SERHL2: variants seen among roughly 807,000 people sequenced by gnomAD.
SERHL2 encodes serine hydrolase-like protein 2.
A neutral mutation model predicts 25.5 loss-of-function variants in SERHL2; 29 were observed. That is an observed-to-expected ratio of 1.14 (90% confidence interval 0.85 to 1.55). The LOEUF is 1.55. Ranked by LOEUF, SERHL2 falls within the 40% of genes most tolerant of loss-of-function variation. SERHL2 has a pLI of 0.00. For missense variants in SERHL2, 240 were observed against 252.3 expected, an observed-to-expected ratio of 0.95 and a Z score of 0.33; for synonymous variants, 95 against 103.5, an observed-to-expected ratio of 0.92 and a Z score of 0.50.
intron 11 of SERHL2, 165 bp from the exon 12 acceptor site, chr22:42,573,771 G>A: frequency 1.4e-6 from 1 of 729,810 alleles, no homozygotes; most frequent in Non-Finnish European, 2.4e-6. Flanking sequence ...GGGTGCTATG[G>A]ACTGTCGGGG....
intron 11 of SERHL2, 119 bp downstream of exon 11, chr22:42,572,648 C>A (rs1410709305): frequency 6.9e-7 from 1 of 1,455,248 alleles, no homozygotes. Flanking sequence ...CAACAAGTGA[C>A]CACCAGGATC....
chr22:42,564,074 GA>G lies in SERHL2; in HGVS notation c.614-2220del, dbSNP rs917644801. 3.4e-5 allele frequency among the ~76,000 whole-genome samples: 5 copies of G among 146,288 alleles called. No individual in the cohort carries two copies. In the South Asian group the frequency reaches 6.5e-4, roughly 19 times the overall value. ...GCAACAAGAGTGAAACTTCGTCTCA[GA>G]AAAAAAAAAGACAAGAAAAAACATG... On this transcript the variant is annotated intron_variant, in intron 8 of 11. Transcript: ENST00000327678.
In SERHL2 at chr22:42,570,993, G is replaced by C. The variant is rs1247346173; in HGVS notation, c.649-128G>C. On this transcript the variant is annotated intron_variant, in intron 9 of 11. Transcript: ENST00000327678. ...ATGAGGCAGTGATGTGGGGTCCTGG[G>C]CTCAGACCCAGGGTGGGTGGCTAAG... is the stretch of plus-strand genomic sequence containing the variant. The C allele has an allele frequency of 1.2e-5, 16 of 1,369,608 alleles. No individual in the cohort carries two copies. The South Asian group carries it at 1.8e-4, about 16-fold the overall frequency. 84.8% of individuals were successfully genotyped at this position (1,369,608 alleles called of 1,614,324 possible).
intron 9 of SERHL2, among the ~76,000 whole-genome samples, chr22:42,567,386 C>T (rs1282380508): frequency 2.0e-5 from 3 of 151,828 alleles, no homozygotes; most frequent in Admixed American, 6.6e-5. Flanking sequence ...ATTTTTCGGC[C>T]GGGCGCGGTG....
chr22:42,568,924 C>T (rs1197522856), intron 9 of SERHL2, among the ~76,000 whole-genome samples: 3 of 151,574 alleles, frequency 2.0e-5, no homozygotes, highest in Non-Finnish European at 4.4e-5. Flanking sequence ...TGAGATCGCC[C>T]AGGCTGGAGT....
intron 10 of SERHL2, 197 bp downstream of exon 10, chr22:42,571,400 C>G: frequency 1.4e-6 from 2 of 1,396,950 alleles, no homozygotes; most frequent in South Asian, 3.0e-5. Flanking sequence ...AGGGCTCGGG[C>G]AGCAGGGGAT....
At chr22:42,569,839 T>TTG (rs58527778) in intron 9 of SERHL2, 14,411 of 146,760 alleles carry the variant, frequency 0.098, 783 homozygotes, top group East Asian at 0.17. Flanking sequence ...TCATAGCAAT[T>TTG]TGTGTGTGTG....
intron 9 of SERHL2, among the ~76,000 whole-genome samples, 161 bp downstream of exon 9, chr22:42,566,499 T>G (rs1382519823): frequency 6.6e-6 from 1 of 150,638 alleles, no homozygotes. Flanking sequence ...GAGGTTGCAT[T>G]GAGCCGAGAT....
intron 7 of SERHL2, among the ~76,000 whole-genome samples, chr22:42,559,229 T>TTAAAAAAAAAA (rs1311060187): frequency 2.9e-5 from 2 of 69,318 alleles, no homozygotes; most frequent in African/African-American, 9.1e-5. Flanking sequence ...ACCCTGTATT[T>TTAAAAAAAAAA]AAAAAAAAAA....
intron 8 of SERHL2, among the ~76,000 whole-genome samples, chr22:42,562,797 C>T (rs1246056589): frequency 6.6e-6 from 1 of 151,898 alleles, no homozygotes; most frequent in Non-Finnish European, 1.5e-5. Context: ...AAGTTTAAGC[C>T]CCACAATACT....
intron 1 of SERHL2, among the ~76,000 whole-genome samples, chr22:42,554,633 G>A (rs1226334187): frequency 6.6e-6 from 1 of 152,054 alleles, no homozygotes; most frequent in Non-Finnish European, 1.5e-5. Context: ...GCAAGTGATG[G>A]GGTCCAGGCC....
At position 42,573,887 on chromosome 22, in the gene SERHL2, C is replaced by T. The variant is rs2146777516; in HGVS notation, c.826-49C>T. ...CCTGACCCCGGGGCCCATGGAGCTC[C>T]CTAGGCTCCTCTGGCCACACCTCAC... On this transcript the variant is annotated intron_variant, in intron 11 of 11. Transcript: ENST00000327678. 4 of 1,581,278 alleles carry T rather than the reference C, an allele frequency of 2.5e-6. No homozygotes were observed. In the South Asian group the frequency reaches 4.5e-5, roughly 18 times the overall value.
chr22:42,566,372 G>T (rs773217114), intron 9 of SERHL2, 34 bp downstream of exon 9: 1 of 1,607,384 alleles, frequency 6.2e-7, no homozygotes, highest in East Asian at 2.2e-5. Context: ...CCCCGCCAAG[G>T]TTTGCCTGTT....
In SERHL2 at chr22:42,574,196, G is replaced by T. The variant is rs1469900832; in HGVS notation, c.*141G>T. 4.3e-6 allele frequency: 3 copies of T among 700,840 alleles called. No homozygotes were observed. Among genetic ancestry groups the T allele is most frequent in the Non-Finnish European group, 4.8e-6 (2 of 413,382 alleles). 43.4% of individuals were successfully genotyped at this position (700,840 alleles called of 1,614,324 possible). On this transcript the variant is annotated 3_prime_UTR_variant, in exon 12 of 12. Coordinates refer to ENST00000327678, the MANE Select transcript of SERHL2 (RefSeq NM_014509.5). ...GCCCAGCCTAGGATGGTAGTCAGGG[G>T]AAGGAGCGAGATTCCAACTTCAACA...
At chr22:42,567,612 C>G (rs531786634) in intron 9 of SERHL2, among the ~76,000 whole-genome samples, 3 of 150,788 alleles carry the variant, frequency 2.0e-5, no homozygotes, top group Non-Finnish European at 4.4e-5. Flanking sequence ...TGCAGTGAGC[C>G]GAGATTGCGC....
In SERHL2 at chr22:42,569,091, C is replaced by T. The variant is rs1293027938; in HGVS notation, c.649-2030C>T. 1.3e-5 allele frequency: 2 copies of T among 151,530 alleles called. 1 individual carries two copies. The highest frequency in any genetic ancestry group is 2.9e-5 in the Non-Finnish European group (2 of 67,902). The allele number at this position is 151,530 out of a possible 1,614,324, so 9.4% of individuals were successfully genotyped here. ...AGAGACAGGGTTTTGCCATGTTGGGCAGGCTGGTTTCGAACTCCTGACCTC... is the reference window on the plus strand; with the variant it reads ...AGAGACAGGGTTTTGCCATGTTGGGTAGGCTGGTTTCGAACTCCTGACCTC... On this transcript the variant is annotated intron_variant, in intron 9 of 11. Transcript: ENST00000327678.
intron 9 of SERHL2, among the ~76,000 whole-genome samples, 163 bp from the exon 10 acceptor site, chr22:42,570,958 A>C (rs1167848985): frequency 6.6e-6 from 1 of 152,022 alleles, no homozygotes; most frequent in Non-Finnish European, 1.5e-5. Flanking sequence ...CAGGGGCTAA[A>C]GAGCCTTCGA....
intron 9 of SERHL2, among the ~76,000 whole-genome samples, chr22:42,566,616 A>G (rs1204765812): frequency 6.6e-6 from 1 of 151,976 alleles, no homozygotes; most frequent in Non-Finnish European, 1.5e-5. Flanking sequence ...TGTCAATTTA[A>G]CCGTTTGTAA....
intron 9 of SERHL2, among the ~76,000 whole-genome samples, chr22:42,570,818 C>G (rs1427916417): frequency 6.6e-6 from 1 of 152,078 alleles, no homozygotes; most frequent in Non-Finnish European, 1.5e-5. Context: ...TGGCCCAACT[C>G]ACTTCTCTGC....
Sources: allele counts gnomAD v4.1 joint callset (sites outside exome capture counted in the v4.1 genomes callset), GRCh38; gene constraint gnomAD v4.1.1; transcripts MANE v1.5; gene names NCBI Gene and HGNC (gene_info 2026-07-23, HGNC 2026-07-21).